Variants in TYW1B observed in about 807,000 individuals in gnomAD.
The protein encoded by TYW1B is tRNA-yW synthesizing protein 1 homolog B, also known as S-adenosyl-L-methionine-dependent tRNA 4-demethylwyosine synthase TYW1B.
A neutral mutation model predicts 86.9 loss-of-function variants in TYW1B; 73 were observed. The observed-to-expected ratio is 0.84, with a 90% confidence interval of 0.70 to 1.02. The LOEUF (loss-of-function observed/expected upper bound fraction) is 1.02, where lower values mean the gene tolerates loss of function less well. TYW1B is among the 50% of genes least tolerant of loss of function. TYW1B has a pLI of 0.00. For synonymous variants in TYW1B, 248 were observed against 292.8 expected, an observed-to-expected ratio of 0.85 and a Z score of 1.56; for missense variants, 637 against 827.4, an observed-to-expected ratio of 0.77 and a Z score of 2.82.
rs546767686 is a variant in TYW1B at position 72,665,509 on chromosome 7, A to G, written c.1506+29178T>C. 5.5e-4 allele frequency among the ~76,000 whole-genome samples: 84 copies of G among 152,320 alleles called. 1 individual carries two copies. Among genetic ancestry groups the G allele is most frequent in the Non-Finnish European group, 7.3e-4 (50 of 68,032 alleles). On this transcript the variant is annotated intron_variant, in intron 11 of 13. Transcript: ENST00000620995. ...AGCTGATCTGAATCCCAAGTGATAT[A>G]ATTCATGTTTGGTCCAATTCTGAAT...
chr7:72,696,706 A>G (rs1814328353), intron 10 of TYW1B, among the ~76,000 whole-genome samples: 3 of 152,122 alleles, frequency 2.0e-5, no homozygotes, highest in Middle Eastern at 3.2e-3. Context: ...GATGCTTGCA[A>G]TGATGTGGCT....
chr7:72,783,557 TC>T (rs1481517995), intron 6 of TYW1B, among the ~76,000 whole-genome samples: 1 of 152,110 alleles, frequency 6.6e-6, no homozygotes, highest in Non-Finnish European at 1.5e-5. Context: ...ACATTTAGAT[TC>T]CTATTTCTTT....
intron 11 of TYW1B, among the ~76,000 whole-genome samples, chr7:72,693,848 A>C (rs1814237557): frequency 6.6e-6 from 1 of 152,196 alleles, no homozygotes; most frequent in Non-Finnish European, 1.5e-5. Flanking sequence ...TATAACAACC[A>C]CTTACATGGC....
chr7:72,695,512 G>A (rs1425363887), intron 10 of TYW1B, among the ~76,000 whole-genome samples: 4 of 151,832 alleles, frequency 2.6e-5, no homozygotes, highest in Admixed American at 6.6e-5. Context: ...CTCATTCTCC[G>A]CTTCTCTCAA....
intron 11 of TYW1B, among the ~76,000 whole-genome samples, chr7:72,671,924 G>A (rs1813615139): frequency 6.6e-6 from 1 of 151,212 alleles, no homozygotes; most frequent in African/African-American, 2.4e-5. Flanking sequence ...GAAAGAATAG[G>A]AGGCTGGATA....
At chr7:72,622,795 T>C (rs2960924) in intron 12 of TYW1B, among the ~76,000 whole-genome samples, 25,156 of 150,886 alleles carry the variant, frequency 0.17, 2,639 homozygotes, top group East Asian at 0.56. Flanking sequence ...CACACATGCA[T>C]AACACACACA....
intron 10 of TYW1B, among the ~76,000 whole-genome samples, chr7:72,701,501 C>A (rs1307950471): frequency 6.6e-6 from 1 of 152,128 alleles, no homozygotes; most frequent in African/African-American, 2.4e-5. Context: ...TGGCCTCAAA[C>A]AACCCTCCCG....
chr7:72,682,744 A>T (rs1221189134), intron 11 of TYW1B, among the ~76,000 whole-genome samples: 17 of 152,214 alleles, frequency 1.1e-4, no homozygotes, highest in African/African-American at 3.9e-4. Flanking sequence ...TTGGAGGGAA[A>T]AACAGGCAGG....
At position 72,689,103 on chromosome 7, in the gene TYW1B, T is replaced by C. The variant is rs140241657; in HGVS notation, c.1506+5584A>G. The stretch of plus-strand genomic sequence containing the variant: ...AAAGTTAAAGCCTTCAAAAAAGTGG[T>C]AGGAAACAGATATCCAGATTAGCCA... On this transcript the variant is annotated intron_variant, in intron 11 of 13. Coordinates refer to ENST00000620995, the MANE Select transcript of TYW1B (RefSeq NM_001145440.3). Among the ~76,000 whole-genome samples, 1,023 of 152,156 alleles carry C rather than the reference T, an allele frequency of 6.7e-3. 13 individuals are homozygous for C. The highest frequency in any genetic ancestry group is 0.021 in the African/African-American group (880 of 41,514).
intron 2 of TYW1B, among the ~76,000 whole-genome samples, chr7:72,817,873 G>C (rs1297771513): frequency 6.6e-6 from 1 of 152,094 alleles, no homozygotes; most frequent in African/African-American, 2.4e-5. Flanking sequence ...TGGCCAATCA[G>C]AGGCTGCAGT....
At chr7:72,596,120 G>A (rs1287672718) in intron 13 of TYW1B, among the ~76,000 whole-genome samples, 2 of 137,870 alleles carry the variant, frequency 1.5e-5, no homozygotes, top group Non-Finnish European at 3.0e-5. Flanking sequence ...AGGTTGCAGT[G>A]AGCCAAGATC....
chr7:72,796,539 TA>T (rs1788308403), intron 6 of TYW1B, among the ~76,000 whole-genome samples: 1 of 151,832 alleles, frequency 6.6e-6, no homozygotes, highest in South Asian at 2.1e-4. Flanking sequence ...CCAGGCCAAC[TA>T]ATTTTTTTTT....
At chr7:72,654,178 T>C (rs1245201174) in intron 11 of TYW1B, among the ~76,000 whole-genome samples, 2 of 151,354 alleles carry the variant, frequency 1.3e-5, no homozygotes, top group African/African-American at 2.4e-5. Flanking sequence ...CTACAGCTAA[T>C]AGCAAACTTA....
intron 2 of TYW1B, among the ~76,000 whole-genome samples, chr7:72,822,311 A>C (rs1554480620): frequency 6.6e-6 from 1 of 152,040 alleles, no homozygotes; most frequent in African/African-American, 2.4e-5. Flanking sequence ...AGAAATGAAA[A>C]GGGAAAAAAA....
chr7:72,715,621 G>A (rs1251755125), intron 9 of TYW1B, among the ~76,000 whole-genome samples: 1 of 151,782 alleles, frequency 6.6e-6, no homozygotes, highest in Non-Finnish European at 1.5e-5. Context: ...AGAGGATCAG[G>A]AAAAACAACT....
Position 72,627,456 on chromosome 7 carries a change from GTAACATAACATAACATAACA to G in TYW1B, c.1617+1411_1617+1430del, listed in dbSNP as rs368171802. Among the ~76,000 whole-genome samples, 168 of 124,612 alleles carry G rather than the reference GTAACATAACATAACATAACA, an allele frequency of 1.3e-3. 2 individuals are homozygous for G. Among genetic ancestry groups the G allele is most frequent in the Middle Eastern group, 7.7e-3 (2 of 260 alleles). The allele number at this position is 124,612 out of a possible 152,430, so 81.8% of individuals were successfully genotyped here. A position where few individuals can be genotyped will look rare whatever the true frequency, so the allele number is the denominator to read the frequency against. On this transcript the variant is annotated intron_variant, in intron 12 of 13. Coordinates refer to ENST00000620995, the MANE Select transcript of TYW1B (RefSeq NM_001145440.3). Reference sequence around the variant, plus strand: ...GAGTGAGACTTCATCTCAAAAAACAGTAACATAACATAACATAACATAACATAACATAACATAACATAACA... The same window carrying G: ...GAGTGAGACTTCATCTCAAAAAACAGTAACATAACATAACATAACATAACA...
At position 72,628,923 on chromosome 7, in the gene TYW1B, G is replaced by C. The variant is rs782330506; in HGVS notation, c.1581C>G (p.Leu527=). The C allele has an allele frequency of 1.3e-5, 21 of 1,593,414 alleles. No individual in the cohort carries two copies. The highest frequency in any genetic ancestry group is 1.5e-5 in the Non-Finnish European group (17 of 1,171,104). The change falls in exon 12 of 14, where the codon CTC becomes CTG. Residue 527 remains leucine, a synonymous_variant. Coordinates refer to ENST00000620995, the MANE Select transcript of TYW1B (RefSeq NM_001145440.3). ...NVDELQAYAQ[L]VSLGNPDFIE... ...TGAAGTCAGGATTCCCCAGGGACAC[G>C]AGCTGCGCGTAGGCCTGGAGCTCGT...
chr7:72,821,756 G>A (rs1455616651), intron 2 of TYW1B, among the ~76,000 whole-genome samples: 4 of 152,102 alleles, frequency 2.6e-5, no homozygotes, highest in Non-Finnish European at 5.9e-5. Flanking sequence ...AGGTGTTTTG[G>A]ACCAAGCAAC....
intron 2 of TYW1B, among the ~76,000 whole-genome samples, chr7:72,822,162 CAAAAAAAAA>C (rs782637112): frequency 5.5e-5 from 2 of 36,388 alleles, no homozygotes; most frequent in South Asian, 1.0e-3. Flanking sequence ...GACCCTGTCT[CAAAAAAAAA>C]AAAAAAAAAA....
Sources: gnomAD v4.1 joint callset for allele counts (sites outside exome capture counted in the v4.1 genomes callset) on GRCh38, gnomAD v4.1.1 for gene constraint, MANE v1.5 for transcripts, NCBI Gene and HGNC (gene_info 2026-07-23, HGNC 2026-07-21) for gene names.